The following PIM2 variants were observed in gnomAD, a reference collection of about 807,000 sequenced individuals.
PIM2 encodes the protein serine/threonine-protein kinase pim-2.
In PIM2, 3 loss-of-function variants were observed where a neutral mutation model predicts 18.0. The observed-to-expected ratio is 0.17, with a 90% CI of 0.08 to 0.43. The LOEUF (loss-of-function observed/expected upper bound fraction) is 0.43, where lower values mean the gene tolerates loss of function less well. Among genes scored for constraint, PIM2 ranks in the 20% least tolerant of loss-of-function variants. The pLI is 0.99. For synonymous variants in PIM2, 117 were observed against 105.3 expected (o/e 1.11, Z -0.68); for missense variants, 181 against 260.8 (o/e 0.69, Z 2.11).
chrX:48,915,267 G>A lies in PIM2; in HGVS notation c.348C>T (p.Leu116=), dbSNP rs782308515. 2.5e-6 allele frequency: 3 copies of A among 1,210,639 alleles called. No individual in the cohort carries two copies. Among genetic ancestry groups the A allele is most frequent in the Non-Finnish European group, 3.4e-6 (3 of 895,261 alleles). ...GATCCTGGGCGGGCAAAGGCCGCTC[G>A]AGGACCAGCATGAAGCCCTCCTGTG... is the stretch of plus-strand genomic sequence containing the variant. ...FETQEGFMLV[L]ERPLPAQDLF... Residue 116 remains leucine (L), a synonymous_variant, in exon 4 of 6, where the codon CTC becomes CTT. Transcript: ENST00000376509.
In PIM2 at chrX:48,915,019, C is replaced by T; in HGVS notation, c.595+1G>A. The T allele has an allele frequency of 8.4e-7, 1 of 1,192,690 alleles. No individual in the cohort carries two copies. The highest frequency in any genetic ancestry group is 1.1e-6 in the Non-Finnish European group (1 of 883,461). ...TCCAGGGAGATTTAGAGAAGCCTTA[C>T]CATCAAAGTCAGTGTAGGGTTCATC... On this transcript the variant is annotated splice_donor_variant, in intron 4 of 5. Coordinates refer to ENST00000376509, the MANE Select transcript of PIM2 (RefSeq NM_006875.4). LOFTEE classifies it high-confidence loss of function.
rs2063560296 is a variant in PIM2, at chrX:48,915,354, T to C, written c.261A>G (p.Leu87=). 1 of 1,207,684 alleles carries C rather than the reference T, an allele frequency of 8.3e-7. No homozygotes were observed. Among genetic ancestry groups the C allele is most frequent in the East Asian group, 3.0e-5 (1 of 33,732 alleles). ...SVTCPLEVAL[L]WKVGAGGGHP... ...GCCCACCACCTGCACCCACTTTCCA[T>C]AGCAGTGCGACTTCGAGTGGGCATG... The change falls in exon 4 of 6, where the codon CTA becomes CTG. Residue 87 remains leucine, a synonymous_variant. Coordinates refer to ENST00000376509, the MANE Select transcript of PIM2 (RefSeq NM_006875.4).
chrX:48,915,434 A>C, intron 3 of PIM2, 42 bp from the exon 4 acceptor site: 3 of 1,156,274 alleles, frequency 2.6e-6, no homozygotes, highest in Non-Finnish European at 3.5e-6. Flanking sequence ...GAGAAAAAAG[A>C]CAGATGTCAG....
At chrX:48,918,269 T>G in intron 2 of PIM2, among the ~76,000 whole-genome samples, 1 of 87,147 alleles carries the variant, frequency 1.1e-5, no homozygotes, top group Non-Finnish European at 2.2e-5. Context: ...GACCCCGGGG[T>G]CAAGGAACTC....
chrX:48,913,729 C>T lies in PIM2; in HGVS notation c.*402G>A, dbSNP rs1329166280. 8.2e-6 allele frequency: 1 copy of T among 121,355 alleles called. No individual in the cohort carries two copies. Among genetic ancestry groups the T allele is most frequent in the Non-Finnish European group, 1.6e-5 (1 of 60,849 alleles). The allele number at this position is 121,355 out of a possible 1,213,427, so 10.0% of individuals were successfully genotyped here. On this transcript the variant is annotated 3_prime_UTR_variant, in exon 6 of 6. Transcript: ENST00000376509. Reference sequence around the variant, plus strand: ...TACTGGGGTATTGGAAGGAAAGCACCCTTGCCCAAGTAAGAGCATATGAAC... The same window carrying T: ...TACTGGGGTATTGGAAGGAAAGCACTCTTGCCCAAGTAAGAGCATATGAAC...
rs2063567442 is a variant in PIM2 at position 48,917,841 on chromosome X, A to G, written c.172-10T>C. 16 of 1,190,194 alleles carry G rather than the reference A, an allele frequency of 1.3e-5. No individual in the cohort carries two copies. The highest frequency in any genetic ancestry group is 6.1e-5 in the East Asian group (2 of 32,961). ...TCACTTTGATGGCCACCTGGAGAAG[A>G]AGGCCGTGATAAGGAGGCCAGCAGG... On this transcript the variant is annotated splice_polypyrimidine_tract_variant and intron_variant, in intron 2 of 5. Transcript: ENST00000376509.
chrX:48,915,321 G>A lies in PIM2; in HGVS notation c.294C>T (p.Gly98=), dbSNP rs781927964. Residue 98 remains glycine (G), a synonymous_variant, in exon 4 of 6, where the codon GGC becomes GGT. Coordinates refer to ENST00000376509, the MANE Select transcript of PIM2 (RefSeq NM_006875.4). ...WKVGAGGGHP[G]VIRLLDWFET... ...CAAACCAGTCAAGCAGGCGGATCAC[G>A]CCAGGGTGCCCACCACCTGCACCCA... The A allele has an allele frequency of 1.1e-5, 13 of 1,208,844 alleles. No individual in the cohort carries two copies. In the East Asian group the frequency reaches 2.7e-4, roughly 25 times the overall value.
intron 2 of PIM2, 69 bp from the exon 3 acceptor site, chrX:48,917,900 G>C (rs1284814272): frequency 2.4e-6 from 2 of 834,262 alleles, no homozygotes; most frequent in Non-Finnish European, 3.5e-6. Context: ...TAGACCTTCT[G>C]CCTACCTCCA....
At position 48,914,517 on chromosome X, in the gene PIM2, A is replaced by T; in HGVS notation, c.650T>A (p.Leu217His). ...EWISRHQYHA[L>H]PATVWSLGIL... is the part of the protein sequence containing the mutation. ...GCCCAGTGACCAGACAGTGGCCGGG[A>T]GTGCATGGTACTGGTGTCGAGAGAT... The change falls in exon 5 of 6, where the codon CTC (leucine) becomes CAC (histidine). Residue 217 changes from leucine (L) to histidine (H), a missense_variant. Coordinates refer to ENST00000376509, the MANE Select transcript of PIM2 (RefSeq NM_006875.4). 8.3e-7 allele frequency: 1 copy of T among 1,210,117 alleles called. No homozygotes were observed. Among genetic ancestry groups the T allele is most frequent in the East Asian group, 3.0e-5 (1 of 33,798 alleles).
chrX:48,918,982 C>T lies in PIM2; in HGVS notation c.-148G>A, dbSNP rs1453535938. ...GTGGCCCGGAAGCGCCCGCAGACGG[C>T]GCAGCGTTGAGATTCGCCGCGCGCG... On this transcript the variant is annotated 5_prime_UTR_variant, in exon 1 of 6. Transcript: ENST00000376509. 2 of 476,760 alleles carry T rather than the reference C, an allele frequency of 4.2e-6. No individual in the cohort carries two copies. The highest frequency in any genetic ancestry group is 7.0e-6 in the Non-Finnish European group (2 of 284,173). 39.3% of individuals were successfully genotyped at this position (476,760 alleles called of 1,213,427 possible).
At chrX:48,918,483 C>A (rs1379356387) in intron 2 of PIM2, 53 bp downstream of exon 2, 1 of 895,177 alleles carries the variant, frequency 1.1e-6, no homozygotes, top group South Asian at 2.3e-5. Flanking sequence ...AGGGCCAGGA[C>A]CCCCGCCCCC....
chrX:48,918,550 T>C lies in PIM2; in HGVS notation c.157A>G (p.Thr53Ala), dbSNP rs2063569918. 1 of 1,200,009 alleles carries C rather than the reference T, an allele frequency of 8.3e-7. No homozygotes were observed. The highest frequency in any genetic ancestry group is 1.1e-6 in the Non-Finnish European group (1 of 886,425). ...ATGACGGATACCTGGAGTCGATCTG[T>C]GAGGCGGTGTCCTGCGAAGACGGTG... ...FGTVFAGHRL[T>A]DRLQVAIKVI... Residue 53 changes from threonine (T) to alanine (A), a missense_variant, in exon 2 of 6, where the codon ACA (threonine) becomes GCA (alanine). Around this residue, in one of 5 missense-constraint regions of PIM2, gnomAD observed 104 missense variants for 125.3 expected, o/e 0.83. Coordinates refer to ENST00000376509, the MANE Select transcript of PIM2 (RefSeq NM_006875.4).
At position 48,918,860 on chromosome X, in the gene PIM2, C is replaced by A; in HGVS notation, c.-26G>T. 8.5e-7 allele frequency: 1 copy of A among 1,176,812 alleles called. No individual in the cohort carries two copies. The highest frequency in any genetic ancestry group is 1.1e-6 in the Non-Finnish European group (1 of 875,179). Reference sequence around the variant, plus strand: ...GGAGGTGGCGCTGCGCAGATTGAGCCCACTGAACCCGCTAAGCCCGCAGGG... The same window carrying A: ...GGAGGTGGCGCTGCGCAGATTGAGCACACTGAACCCGCTAAGCCCGCAGGG... On this transcript the variant is annotated 5_prime_UTR_variant, in exon 1 of 6. Transcript: ENST00000376509.
chrX:48,916,676 G>A (rs1438760301), intron 3 of PIM2, among the ~76,000 whole-genome samples: 7 of 109,684 alleles, frequency 6.4e-5, no homozygotes, highest in Non-Finnish European at 1.3e-4. Context: ...GGTGAAACAC[G>A]GTCTCTACTA....
At chrX:48,918,298 G>GCCCCCCC (rs11361543) in intron 2 of PIM2, among the ~76,000 whole-genome samples, 4 of 25,003 alleles carry the variant, frequency 1.6e-4, no homozygotes, top group African/African-American at 4.4e-4. Flanking sequence ...GAAGCCCCCT[G>GCCCCCCC]CCCCCCCCCC....
chrX:48,914,566 T>G lies in PIM2; in HGVS notation c.601A>C (p.Arg201=). The G allele has an allele frequency of 8.3e-7, 1 of 1,206,046 alleles. No individual in the cohort carries two copies. The highest frequency in any genetic ancestry group is 1.1e-6 in the Non-Finnish European group (1 of 892,469). Residue 201 remains arginine (R), a synonymous_variant, in exon 5 of 6, where the codon AGG becomes CGG. Coordinates refer to ENST00000376509, the MANE Select transcript of PIM2 (RefSeq NM_006875.4). ...ATCCACTCTGGGGGGCTGTACACCC[T>G]TGTCCCTGCACACAAGCCAGGGGTT... is the stretch of plus-strand genomic sequence containing the variant. The part of the protein sequence containing the change: ...DEPYTDFDGT[R]VYSPPEWISR...
chrX:48,917,748 A>C (rs782328453), intron 3 of PIM2, 33 bp downstream of exon 3: 4 of 1,123,476 alleles, frequency 3.6e-6, no homozygotes, highest in Non-Finnish European at 4.9e-6. Flanking sequence ...GTGATGGAGT[A>C]GGTAGGTTAG....
At chrX:48,914,625 C>T (rs782194690) in intron 4 of PIM2, 54 bp from the exon 5 acceptor site, 55 of 1,055,229 alleles carry the variant, frequency 5.2e-5, no homozygotes, top group Non-Finnish European at 7.1e-5. Context: ...CCTTCTCCAA[C>T]CCCAAACTCT....
Position 48,916,127 on chromosome X carries a change from CG to C in PIM2, c.223-736del, listed in dbSNP as rs782286422. Among the ~76,000 whole-genome samples the C allele has an allele frequency of 5.0e-4, 56 of 112,507 alleles. No homozygotes were observed. In the East Asian group the frequency reaches 0.011, roughly 23 times the overall value. On this transcript the variant is annotated intron_variant, in intron 3 of 5. Transcript: ENST00000376509. ...ATTGTGTAATGGTTTGTTTTGTTCA[CG>C]GACGTATATGAAGCACTAGAACAGT...
Sources: gnomAD v4.1 joint callset for allele counts (sites outside exome capture counted in the v4.1 genomes callset) on GRCh38, gnomAD v4.1.1 for gene constraint, gnomAD v4.1.1 regional missense constraint, MANE v1.5 for transcripts, NCBI Gene and HGNC (gene_info 2026-07-23, HGNC 2026-07-21) for gene names.